The following NUPR2 variants were observed in gnomAD, a reference collection of about 807,000 sequenced individuals.
The protein encoded by NUPR2 is nuclear protein 2, transcriptional regulator.
Under a neutral mutation model 7.3 loss-of-function variants are expected in NUPR2, and 14 were observed. The ratio of observed to expected loss-of-function variants is 1.93; its 90% CI spans 1.27 to 3.01. NUPR2 has a LOEUF of 3.01. NUPR2 is among the 30% of genes most tolerant of loss of function. The pLI is 0.00. For missense variants in NUPR2, 162 were observed against 143.7 expected, an observed-to-expected ratio of 1.13 and a Z score of -0.65; for synonymous variants, 56 against 59.7, an observed-to-expected ratio of 0.94 and a Z score of 0.29.
In NUPR2 at chr7:56,116,095, G is replaced by A. The variant is rs1242502780; in HGVS notation, c.220C>T (p.Gln74Ter). The A allele has an allele frequency of 6.5e-7, 1 of 1,534,640 alleles. No individual in the cohort carries two copies. The highest frequency in any genetic ancestry group is 1.2e-5 in the South Asian group (1 of 82,752). The change falls in exon 1 of 2, where the codon CAG becomes TAG. Residue 74 changes from glutamine (Q) to a stop codon, truncating the protein, a stop_gained. Transcript: ENST00000329309. LOFTEE classifies it high-confidence loss of function. ...APGGHERKVA[Q>*]KLLNGQRKRR... ...TTGCGCTGGCCATTGAGGAGCTTCT[G>A]CGCGACCTTGCGCTCGTGCCCGCCA...
chr7:56,116,054 C>G lies in NUPR2; in HGVS notation c.261G>C (p.Gln87His), dbSNP rs1020290018. The G allele has an allele frequency of 2.7e-6, 4 of 1,496,134 alleles. No homozygotes were observed. The highest frequency in any genetic ancestry group is 1.4e-5 in the African/African-American group (1 of 69,294). The allele number at this position is 1,496,134 out of a possible 1,614,324, so 92.7% of individuals were successfully genotyped here. ...GGCGAGTGCGCATCTTGGGATGCAG[C>G]TGGCGCTGGCGGCGCTTGCGCTGGC... ...LNGQRKRRQR[Q>H]LHPKMRTRLT Residue 87 changes from glutamine (Q) to histidine (H), a missense_variant, in exon 1 of 2, where the codon CAG becomes CAC. Gln to His is a conservative substitution (Grantham distance 24). Transcript: ENST00000329309.
At chr7:56,115,437 G>GTATATATATATATATA (rs1320810978) in intron 1 of NUPR2, among the ~76,000 whole-genome samples, 329 of 14,556 alleles carry the variant, frequency 0.023, 13 homozygotes, top group South Asian at 0.04. Context: ...ATTTGTGTGT[G>GTATATATATATATATA]TGTGTGTGTG....
chr7:56,116,284 G>A lies in NUPR2; in HGVS notation c.31C>T (p.Arg11Cys), dbSNP rs763605556. Residue 11 changes from arginine (R) to cysteine (C), a missense_variant, in exon 1 of 2, where the codon CGT becomes TGT. Arg to Cys is a radical substitution (Grantham distance 180). Transcript: ENST00000329309. ...GGCGGCCGAGCCAGAGCCTGCAGACGTGGAAGCGCCCGCTCTGCGGGCGCT... is the reference window on the plus strand; with the variant it reads ...GGCGGCCGAGCCAGAGCCTGCAGACATGGAAGCGCCCGCTCTGCGGGCGCT... MEAPAERALP[R>C]LQALARPPPP... The A allele has an allele frequency of 1.3e-6, 2 of 1,481,532 alleles. No homozygotes were observed. The highest frequency in any genetic ancestry group is 1.3e-5 in the South Asian group (1 of 75,904). 91.8% of individuals were successfully genotyped at this position (1,481,532 alleles called of 1,614,324 possible). A position where few individuals can be genotyped will look rare whatever the true frequency, so the allele number is the denominator to read the frequency against.
intron 1 of NUPR2, among the ~76,000 whole-genome samples, chr7:56,115,413 A>ACACATATGTG (rs1285875592): frequency 5.4e-4 from 25 of 46,346 alleles, no homozygotes; most frequent in African/African-American, 2.8e-3. Flanking sequence ...ATATATATAT[A>ACACATATGTG]TATATATATA....
Position 56,116,264 on chromosome 7 carries a change from C to T in NUPR2, c.51G>A (p.Arg17=). 3 of 1,535,834 alleles carry T rather than the reference C, an allele frequency of 2.0e-6. No individual in the cohort carries two copies. The highest frequency in any genetic ancestry group is 2.6e-6 in the Non-Finnish European group (3 of 1,141,094). ...CCTCGTAGCTTATGGGTGGCGGCGG[C>T]CGAGCCAGAGCCTGCAGACGTGGAA... The part of the protein sequence containing the change: ...RALPRLQALA[R]PPPPISYEEE... Residue 17 remains arginine, a synonymous_variant, in exon 1 of 2, where the codon CGG becomes CGA. Coordinates refer to ENST00000329309, the MANE Select transcript of NUPR2 (RefSeq NM_001145712.2).
At position 56,116,157 on chromosome 7, in the gene NUPR2, C is replaced by G. The variant is rs1785547215; in HGVS notation, c.158G>C (p.Arg53Pro). Residue 53 changes from arginine to proline, a missense_variant, in exon 1 of 2, where the codon CGG becomes CCG. Transcript: ENST00000329309. ...GTTGGTGCGCAGCGCCTGCTCGCGC[C>G]GAGTCCGGCCCTTGCTGCGCCCTGC... ...CGAGRSKGRT[R>P]REQALRTNWP... 1.9e-6 allele frequency: 3 copies of G among 1,547,220 alleles called. No homozygotes were observed. The highest frequency in any genetic ancestry group is 2.8e-5 in the African/African-American group (2 of 72,188).
At chr7:56,115,917 G>T in intron 1 of NUPR2, 98 bp downstream of exon 1, 1 of 1,119,568 alleles carries the variant, frequency 8.9e-7, no homozygotes, top group Non-Finnish European at 1.2e-6. Flanking sequence ...TTCCCTCAGA[G>T]GCAGCCGACT....
chr7:56,116,062 G>T lies in NUPR2; in HGVS notation c.253C>A (p.Gln85Lys). ...CGCATCTTGGGATGCAGCTGGCGCTGGCGGCGCTTGCGCTGGCCATTGAGG... is the reference window on the plus strand; with the variant it reads ...CGCATCTTGGGATGCAGCTGGCGCTTGCGGCGCTTGCGCTGGCCATTGAGG... ...KLLNGQRKRR[Q>K]RQLHPKMRTR... Residue 85 changes from glutamine (Q) to lysine (K), a missense_variant, in exon 1 of 2, where the codon CAG (glutamine) becomes AAG (lysine). Transcript: ENST00000329309. 6.7e-7 allele frequency: 1 copy of T among 1,501,822 alleles called. No individual in the cohort carries two copies. The highest frequency in any genetic ancestry group is 8.9e-7 in the Non-Finnish European group (1 of 1,126,920). 93.0% of individuals were successfully genotyped at this position (1,501,822 alleles called of 1,614,324 possible).
In NUPR2 at chr7:56,116,346, C is replaced by A; in HGVS notation, c.-32G>T. ...CAGGCCTGTGGCCACCGGCGGCCAC[C>A]TGCCCGCGTCTGGGCGCTCCTGGAA... On this transcript the variant is annotated 5_prime_UTR_variant, in exon 1 of 2. It adds an upstream start codon to the 5' untranslated region. Coordinates refer to ENST00000329309, the MANE Select transcript of NUPR2 (RefSeq NM_001145712.2). 1 of 1,288,880 alleles carries A rather than the reference C, an allele frequency of 7.8e-7. No homozygotes were observed. Among genetic ancestry groups the A allele is most frequent in the Non-Finnish European group, 1.0e-6 (1 of 997,130 alleles). 79.8% of individuals were successfully genotyped at this position (1,288,880 alleles called of 1,614,324 possible).
intron 1 of NUPR2, 57 bp downstream of exon 1, chr7:56,115,958 G>T (rs1785542870): frequency 1.5e-6 from 2 of 1,353,388 alleles, no homozygotes; most frequent in Non-Finnish European, 1.9e-6. Context: ...CGCGCCGTGG[G>T]GGGACGCTCC....
intron 1 of NUPR2, among the ~76,000 whole-genome samples, chr7:56,115,429 T>TGTGTG (rs1554376538): frequency 7.4e-4 from 23 of 30,992 alleles, no homozygotes; most frequent in Non-Finnish European, 1.1e-3. Context: ...ATATATATAT[T>TGTGTG]TGTGTGTGTG....
Position 56,116,341 on chromosome 7 carries a change from G to A in NUPR2, c.-27C>T. 1 of 1,313,018 alleles carries A rather than the reference G, an allele frequency of 7.6e-7. No individual in the cohort carries two copies. Among genetic ancestry groups the A allele is most frequent in the Non-Finnish European group, 9.8e-7 (1 of 1,020,164 alleles). 81.3% of individuals were successfully genotyped at this position (1,313,018 alleles called of 1,614,324 possible). A position where few individuals can be genotyped will look rare whatever the true frequency, so the allele number is the denominator to read the frequency against. On this transcript the variant is annotated 5_prime_UTR_variant, in exon 1 of 2. Transcript: ENST00000329309. ...CTGCCCAGGCCTGTGGCCACCGGCG[G>A]CCACCTGCCCGCGTCTGGGCGCTCC...
intron 1 of NUPR2, among the ~76,000 whole-genome samples, chr7:56,115,413 A>ACATATGTG (rs1285875592): frequency 1.5e-4 from 7 of 46,342 alleles, no homozygotes; most frequent in Non-Finnish European, 2.5e-4. Flanking sequence ...ATATATATAT[A>ACATATGTG]TATATATATA....
Sources: allele counts gnomAD v4.1 joint callset (sites outside exome capture counted in the v4.1 genomes callset), GRCh38; gene constraint gnomAD v4.1.1; transcripts MANE v1.5; gene names NCBI Gene and HGNC (gene_info 2026-07-23, HGNC 2026-07-21).